Variants in KCND3 observed in about 807,000 individuals in gnomAD.
KCND3 encodes the protein A-type voltage-gated potassium channel KCND3.
A neutral mutation model predicts 51.1 loss-of-function variants in KCND3; 9 were observed. That is an observed-to-expected ratio of 0.18 (90% CI 0.11 to 0.31). KCND3 has a LOEUF of 0.31. KCND3 is among the 10% of genes least tolerant of loss of function. The pLI is 1.00. For synonymous variants in KCND3, 349 were observed against 368.0 expected, an observed-to-expected ratio of 0.95 and a Z score of 0.59; for missense variants, 526 against 903.8, an observed-to-expected ratio of 0.58 and a Z score of 5.36.
rs186166594 is a variant in KCND3, at chr1:111,899,197, C to T, written c.1106+82424G>A. Among the ~76,000 whole-genome samples the T allele has an allele frequency of 1.7e-4, 26 of 152,290 alleles. No homozygotes were observed. In the East Asian group the frequency reaches 4.6e-3, roughly 27 times the overall value. ...TCCTCCCTGCTTTCTGGCTCAATAC[C>T]TAGCTTATCACTGTTCCAGCAGGTG... On this transcript the variant is annotated intron_variant, in intron 2 of 7. Transcript: ENST00000302127.
chr1:111,773,226 A>G lies in KCND3; in HGVS notation c.*2851T>C, dbSNP rs1297658463. ...TTAGGACCAATAAAAAAACATGGGAAATTGCTTGGGACATGATATTTAACA... is the reference window on the plus strand; with the variant it reads ...TTAGGACCAATAAAAAAACATGGGAGATTGCTTGGGACATGATATTTAACA... On this transcript the variant is annotated 3_prime_UTR_variant, in exon 8 of 8. Transcript: ENST00000302127. 1.3e-5 allele frequency: 2 copies of G among 152,076 alleles called. No homozygotes were observed. Among genetic ancestry groups the G allele is most frequent in the African/African-American group, 4.8e-5 (2 of 41,388 alleles). The allele number at this position is 152,076 out of a possible 1,614,324, so 9.4% of individuals were successfully genotyped here.
intron 2 of KCND3, among the ~76,000 whole-genome samples, chr1:111,804,708 A>C (rs572393636): frequency 6.6e-6 from 1 of 152,358 alleles, no homozygotes; most frequent in South Asian, 2.1e-4. Context: ...CTGTTAGTTT[A>C]TTTAATTCTC....
chr1:111,841,269 C>A (rs962490301), intron 2 of KCND3, among the ~76,000 whole-genome samples: 35 of 152,204 alleles, frequency 2.3e-4, no homozygotes, highest in Non-Finnish European at 3.8e-4. Flanking sequence ...CAGATTCAGA[C>A]AAGCATGCAC....
At chr1:111,895,316 G>A (rs1457516669) in intron 2 of KCND3, among the ~76,000 whole-genome samples, 3 of 152,114 alleles carry the variant, frequency 2.0e-5, no homozygotes, top group African/African-American at 7.2e-5. Context: ...TGAGGGTCAG[G>A]GGGAGGCCTT....
At chr1:111,838,339 C>T (rs893895745) in intron 2 of KCND3, among the ~76,000 whole-genome samples, 9 of 152,174 alleles carry the variant, frequency 5.9e-5, no homozygotes, top group Admixed American at 4.6e-4. Flanking sequence ...CAGGTATGTG[C>T]TATGGATGCC....
intron 2 of KCND3, among the ~76,000 whole-genome samples, chr1:111,895,086 C>G (rs1250963524): frequency 1.5e-5 from 2 of 131,176 alleles, no homozygotes; most frequent in African/African-American, 5.9e-5. Flanking sequence ...GAAGGGAGGA[C>G]AGGGTGAGAG....
At position 111,793,113 on chromosome 1, in the gene KCND3, T is replaced by C. The variant is rs550359554; in HGVS notation, c.1107-6007A>G. On this transcript the variant is annotated intron_variant, in intron 2 of 7. Coordinates refer to ENST00000302127, the MANE Select transcript of KCND3 (RefSeq NM_001378969.1). The stretch of plus-strand genomic sequence containing the variant: ...CTCCTGCCCTCAAGTGATCCTTCTA[T>C]TTTGGCCTCTCAAAGCACTGGGATT... 5.9e-5 allele frequency among the ~76,000 whole-genome samples: 9 copies of C among 151,526 alleles called. No individual in the cohort carries two copies. The East Asian group carries it at 1.7e-3, about 29-fold the overall frequency.
intron 1 of KCND3, among the ~76,000 whole-genome samples, chr1:111,986,626 C>T (rs981118307): frequency 9.9e-5 from 15 of 151,934 alleles, no homozygotes; most frequent in African/African-American, 3.1e-4. Context: ...TGGACAGGAA[C>T]ATGACAAAAG....
intron 2 of KCND3, among the ~76,000 whole-genome samples, chr1:111,941,455 T>A (rs886521782): frequency 6.6e-6 from 1 of 152,210 alleles, no homozygotes; most frequent in African/African-American, 2.4e-5. Context: ...CTTAGCTCCA[T>A]ATCTACTGGG....
intron 2 of KCND3, among the ~76,000 whole-genome samples, chr1:111,956,732 C>T (rs1195827694): frequency 6.6e-6 from 1 of 152,152 alleles, no homozygotes; most frequent in Non-Finnish European, 1.5e-5. Context: ...AAAGCAGGCG[C>T]AGACCTCAAG....
intron 2 of KCND3, among the ~76,000 whole-genome samples, chr1:111,852,292 C>T (rs1667852809): frequency 6.6e-6 from 1 of 152,348 alleles, no homozygotes; most frequent in African/African-American, 2.4e-5. Context: ...AGCCCAGGAA[C>T]AAGAAATTAC....
At chr1:111,887,457 T>C (rs968975008) in intron 2 of KCND3, among the ~76,000 whole-genome samples, 1 of 152,104 alleles carries the variant, frequency 6.6e-6, no homozygotes, top group South Asian at 2.1e-4. Context: ...AGAAAAAATA[T>C]CTAAGGCTTC....
chr1:111,803,862 T>C (rs935055631), intron 2 of KCND3, among the ~76,000 whole-genome samples: 7 of 152,200 alleles, frequency 4.6e-5, no homozygotes, highest in African/African-American at 1.4e-4. Flanking sequence ...TCCAACTCCC[T>C]TCTGAGGCCA....
intron 2 of KCND3, among the ~76,000 whole-genome samples, chr1:111,792,462 G>C (rs1664877416): frequency 1.3e-5 from 2 of 152,212 alleles, no homozygotes; most frequent in African/African-American, 4.8e-5. Flanking sequence ...GGTGGGGCTA[G>C]AGAGAGGATG....
chr1:111,955,678 T>C (rs1481966029), intron 2 of KCND3, among the ~76,000 whole-genome samples: 2 of 152,200 alleles, frequency 1.3e-5, no homozygotes, highest in Non-Finnish European at 2.9e-5. Context: ...GCCTGACACA[T>C]GAGGGTCCAA....
chr1:111,928,231 G>A (rs1048704015), intron 2 of KCND3, among the ~76,000 whole-genome samples: 1 of 152,174 alleles, frequency 6.6e-6, no homozygotes, highest in South Asian at 2.1e-4. Flanking sequence ...ATAGGAGCTC[G>A]ACAAATACTT....
intron 2 of KCND3, among the ~76,000 whole-genome samples, chr1:111,856,499 G>A (rs1242222447): frequency 6.6e-6 from 1 of 152,034 alleles, no homozygotes; most frequent in Non-Finnish European, 1.5e-5. Flanking sequence ...TGGTCGCCTG[G>A]TAGCCTCGGC....
rs906433904 is a variant in KCND3, at chr1:111,974,809, G to A, written c.1106+6812C>T. 2.6e-5 allele frequency among the ~76,000 whole-genome samples: 4 copies of A among 152,216 alleles called. 1 individual carries two copies. In the South Asian group the frequency reaches 8.3e-4, roughly 32 times the overall value. On this transcript the variant is annotated intron_variant, in intron 2 of 7. Coordinates refer to ENST00000302127, the MANE Select transcript of KCND3 (RefSeq NM_001378969.1). ...AAAACCAAACAGAGAGATACAGAGA[G>A]AGATTGGGATTGATTTTGAGGGATT...
At chr1:111,874,684 G>C (rs922525235) in intron 2 of KCND3, among the ~76,000 whole-genome samples, 1 of 152,256 alleles carries the variant, frequency 6.6e-6, no homozygotes, top group African/African-American at 2.4e-5. Context: ...AGGTGAACTC[G>C]TCAATGCTTC....
Sources: gnomAD v4.1 joint callset for allele counts (sites outside exome capture counted in the v4.1 genomes callset) on GRCh38, gnomAD v4.1.1 for gene constraint, MANE v1.5 for transcripts, NCBI Gene and HGNC (gene_info 2026-07-23, HGNC 2026-07-21) for gene names.